Variants in FCGR3B observed in about 807,000 individuals in gnomAD.
The protein encoded by FCGR3B is low affinity immunoglobulin gamma Fc region receptor III-B.
Under a neutral mutation model 26.7 loss-of-function variants are expected in FCGR3B, and 20 were observed. The observed-to-expected ratio is 0.75, with a 90% CI of 0.53 to 1.09. The LOEUF (loss-of-function observed/expected upper bound fraction) is 1.09, where lower values mean the gene tolerates loss of function less well. FCGR3B is among the 50% of genes least tolerant of loss of function. The pLI, the probability that FCGR3B is intolerant of heterozygous loss-of-function variation, is 0.00. For missense variants in FCGR3B, 191 were observed against 279.7 expected (o/e 0.68, Z 2.26); for synonymous variants, 79 against 107.0 (o/e 0.74, Z 1.62).
chr1:161,631,165 G>T lies in FCGR3B; in HGVS notation c.-71C>A. On this transcript the variant is annotated 5_prime_UTR_variant, in exon 1 of 5. Transcript: ENST00000650385. ...TAAAGGGACCAAGCCGACTAGACAG[G>T]AGGGAGTAAACAGCCTTTCCCCAGT... 6.2e-7 allele frequency: 1 copy of T among 1,607,308 alleles called. No homozygotes were observed. Among genetic ancestry groups the T allele is most frequent in the Non-Finnish European group, 8.5e-7 (1 of 1,177,114 alleles).
rs1379723645 is a variant in FCGR3B, at chr1:161,631,041, A to G, written c.40+14T>C. On this transcript the variant is annotated intron_variant, in intron 1 of 4. Transcript: ENST00000650385. ...TCTCAAACTTCTCCCTCAACCAGGG[A>G]GATCCTGACTTACCTAGAAGTAGCA... 1 of 1,603,428 alleles carries G rather than the reference A, an allele frequency of 6.2e-7. No individual in the cohort carries two copies. The highest frequency in any genetic ancestry group is 1.1e-5 in the South Asian group (1 of 89,590).
At position 161,631,133 on chromosome 1, in the gene FCGR3B, G is replaced by A. The variant is rs376938737; in HGVS notation, c.-39C>T. ...AGTGGACAAGTCACCAAAGATATCC[G>A]GAGCCCTAAAGGGACCAAGCCGACT... is the stretch of plus-strand genomic sequence containing the variant. On this transcript the variant is annotated 5_prime_UTR_variant, in exon 1 of 5. Coordinates refer to ENST00000650385, the MANE Select transcript of FCGR3B (RefSeq NM_001244753.2). 1,980 of 1,607,614 alleles carry A rather than the reference G, an allele frequency of 1.2e-3. 153 individuals are homozygous for A. In the South Asian group the frequency reaches 0.021, roughly 17 times the overall value.
intron 3 of FCGR3B, among the ~76,000 whole-genome samples, chr1:161,629,024 A>G (rs1162536595): frequency 8.4e-6 from 1 of 119,634 alleles, no homozygotes; most frequent in African/African-American, 3.1e-5. Context: ...GGAGACAGAA[A>G]GATATGATTC....
In FCGR3B at chr1:161,630,722, A is replaced by C. The variant is rs1025486562; in HGVS notation, c.40+333T>G. On this transcript the variant is annotated intron_variant, in intron 1 of 4. Transcript: ENST00000650385. ...CCATATCCCCACAAGAAAGGGTAGA[A>C]ATTAAAAACCATAGAGGAGAACCCT... The C allele has an allele frequency of 7.2e-6, 4 of 554,334 alleles. No individual in the cohort carries two copies. The African/African-American group carries it at 8.0e-5, about 11-fold the overall frequency. 34.3% of individuals were successfully genotyped at this position (554,334 alleles called of 1,614,324 possible). A position where few individuals can be genotyped will look rare whatever the true frequency, so the allele number is the denominator to read the frequency against.
chr1:161,626,958 G>A (rs1223710864), intron 3 of FCGR3B, among the ~76,000 whole-genome samples: 17 of 150,086 alleles, frequency 1.1e-4, no homozygotes, highest in Admixed American at 4.0e-4. Flanking sequence ...GGCGAAGGGC[G>A]GGACTGGTAG....
In FCGR3B at chr1:161,624,165, TTGC is replaced by T; in HGVS notation, c.*347_*349del. ...GGATTACCATCCCTAGCCTGTATTG[TTGC>T]TTTGCTGTGAGGGAATGGTTGGGAC... On this transcript the variant is annotated 3_prime_UTR_variant, in exon 5 of 5. Coordinates refer to ENST00000650385, the MANE Select transcript of FCGR3B (RefSeq NM_001244753.2). 7.9e-6 allele frequency: 2 copies of T among 251,948 alleles called. No individual in the cohort carries two copies. Among genetic ancestry groups the T allele is most frequent in the South Asian group, 1.8e-4 (2 of 11,104 alleles). 15.6% of individuals were successfully genotyped at this position (251,948 alleles called of 1,614,324 possible). A position where few individuals can be genotyped will look rare whatever the true frequency, so the allele number is the denominator to read the frequency against.
intron 1 of FCGR3B, 45 bp from the exon 2 acceptor site, chr1:161,630,433 T>G: frequency 1.3e-6 from 2 of 1,580,480 alleles, no homozygotes; most frequent in Non-Finnish European, 1.7e-6. Flanking sequence ...GGGGCAGAGA[T>G]CAGAGTGATT....
chr1:161,626,227 T>A lies in FCGR3B; in HGVS notation c.495A>T (p.Lys165Asn), dbSNP rs376472862. 112 of 1,608,638 alleles carry A rather than the reference T, an allele frequency of 7.0e-5. 7 individuals are homozygous for A. In the African/African-American group the frequency reaches 1.3e-3, roughly 19 times the overall value. The change falls in exon 4 of 5, where the codon AAA becomes AAT. Residue 165 changes from lysine to asparagine, a missense_variant. Around this residue, in one of 2 missense-constraint regions of FCGR3B, gnomAD observed 103 missense variants for 114.5 expected, o/e 0.90. Coordinates refer to ENST00000650385, the MANE Select transcript of FCGR3B (RefSeq NM_001244753.2). ...CCCTGCAGAAGTAGGAGCCGCTATC[T>A]TTGAGTGTGGCTTTTGGAATGTGGA... Reference protein sequence around the residue: ...SDFHIPKATLKDSGSYFCRGL... With the variant: ...SDFHIPKATLNDSGSYFCRGL...
At position 161,623,814 on chromosome 1, in the gene FCGR3B, C is replaced by A. The variant is rs1679319574; in HGVS notation, c.*701G>T. The A allele has an allele frequency of 7.0e-6, 1 of 143,042 alleles. No homozygotes were observed. Among genetic ancestry groups the A allele is most frequent in the South Asian group, 2.3e-4 (1 of 4,298 alleles). 8.9% of individuals were successfully genotyped at this position (143,042 alleles called of 1,614,324 possible). On this transcript the variant is annotated 3_prime_UTR_variant, in exon 5 of 5. Transcript: ENST00000650385. ...TTATATACTTGGAAATGGTCCAGTTCTGATAGAGTCCCCTGGAAGACTCAA... is the reference window on the plus strand; with the variant it reads ...TTATATACTTGGAAATGGTCCAGTTATGATAGAGTCCCCTGGAAGACTCAA...
In FCGR3B at chr1:161,630,996, T is replaced by A. The variant is rs547750278; in HGVS notation, c.40+59A>T. On this transcript the variant is annotated intron_variant, in intron 1 of 4. Transcript: ENST00000650385. ...GTCTCATTCGTAGCCTGAAAAGGGG[T>A]GTCTGATGAACCCAAGGCATCTCAA... 6.5e-3 allele frequency: 9,921 copies of A among 1,529,754 alleles called. 320 individuals are homozygous for A. Among genetic ancestry groups the A allele is most frequent in the Non-Finnish European group, 7.8e-3 (8,819 of 1,135,680 alleles). The allele number at this position is 1,529,754 out of a possible 1,614,324, so 94.8% of individuals were successfully genotyped here. A position where few individuals can be genotyped will look rare whatever the true frequency, so the allele number is the denominator to read the frequency against.
rs180689696 is a variant in FCGR3B at position 161,628,229 on chromosome 1, C to A, written c.319+1549G>T. Among the ~76,000 whole-genome samples the A allele has an allele frequency of 3.3e-5, 5 of 149,902 alleles. 1 individual carries two copies. The highest frequency in any genetic ancestry group is 7.4e-5 in the Non-Finnish European group (5 of 67,668). On this transcript the variant is annotated intron_variant, in intron 3 of 4. Transcript: ENST00000650385. ...TGGAGGTTGCAGTGAACCAAGATTG[C>A]GCCACTGCACTCCAGCTTGGGTGAC...
intron 3 of FCGR3B, among the ~76,000 whole-genome samples, chr1:161,627,812 C>A (rs1362554323): frequency 6.7e-6 from 1 of 150,090 alleles, no homozygotes. Context: ...TGGAGATACC[C>A]AGATGATGGG....
chr1:161,630,033 C>A lies in FCGR3B; in HGVS notation c.64G>T (p.Asp22Tyr). Residue 22 changes from aspartate to tyrosine, a missense_variant and splice_region_variant, in exon 3 of 5, where the codon GAT (aspartate) becomes TAT (tyrosine). This residue lies in a region of FCGR3B where 88 missense variants were observed against 165.2 expected (regional missense o/e 0.53). Coordinates refer to ENST00000650385, the MANE Select transcript of FCGR3B (RefSeq NM_001244753.2). ...LLVSAGMRTE[D>Y]LPKAVVFLEP... ...AGGAACACCACAGCCTTTGGGAGAT[C>A]TTCTGAGGAGCCAAGATAATGTGGG... The A allele has an allele frequency of 1.4e-6, 2 of 1,429,280 alleles. No homozygotes were observed. The highest frequency in any genetic ancestry group is 1.9e-6 in the Non-Finnish European group (2 of 1,070,448). 88.5% of individuals were successfully genotyped at this position (1,429,280 alleles called of 1,614,324 possible). A position where few individuals can be genotyped will look rare whatever the true frequency, so the allele number is the denominator to read the frequency against.
At chr1:161,631,291 A>G (rs148471752), upstream of FCGR3B, 8 of 1,375,506 alleles carry the variant, frequency 5.8e-6, 1 homozygote, top group African/African-American at 1.2e-4. Flanking sequence ...TAGAACAGGA[A>G]TAGGAAGGAA....
intron 3 of FCGR3B, among the ~76,000 whole-genome samples, chr1:161,626,788 T>C (rs897449461): frequency 6.0e-5 from 9 of 150,124 alleles, no homozygotes; most frequent in African/African-American, 2.2e-4. Context: ...CATTTGAAAA[T>C]GATGAGTTGC....
intron 3 of FCGR3B, among the ~76,000 whole-genome samples, chr1:161,627,845 G>A (rs1449534143): frequency 6.7e-6 from 1 of 150,156 alleles, no homozygotes; most frequent in Non-Finnish European, 1.5e-5. Flanking sequence ...CAGCCTCAAA[G>A]AATCTACAGC....
At position 161,631,149 on chromosome 1, in the gene FCGR3B, C is replaced by A. The variant is rs779628061; in HGVS notation, c.-55G>T. 24 of 1,607,584 alleles carry A rather than the reference C, an allele frequency of 1.5e-5. 1 individual carries two copies. Among genetic ancestry groups the A allele is most frequent in the Admixed American group, 3.4e-5 (2 of 59,510 alleles). Reference sequence around the variant, plus strand: ...AAGATATCCGGAGCCCTAAAGGGACCAAGCCGACTAGACAGGAGGGAGTAA... The same window carrying A: ...AAGATATCCGGAGCCCTAAAGGGACAAAGCCGACTAGACAGGAGGGAGTAA... On this transcript the variant is annotated 5_prime_UTR_variant, in exon 1 of 5. Transcript: ENST00000650385.
intron 4 of FCGR3B, among the ~76,000 whole-genome samples, chr1:161,624,950 G>A (rs1679389343): frequency 7.2e-6 from 1 of 139,710 alleles, no homozygotes. Context: ...GTCAGACAAT[G>A]CTATGGTCTA....
intron 3 of FCGR3B, among the ~76,000 whole-genome samples, chr1:161,627,229 T>C (rs1001919244): frequency 8.7e-5 from 13 of 150,066 alleles, no homozygotes; most frequent in African/African-American, 3.2e-4. Context: ...CAATGTTAAG[T>C]TAAAAAAGCA....
Sources: gnomAD v4.1 joint callset for allele counts (sites outside exome capture counted in the v4.1 genomes callset) on GRCh38, gnomAD v4.1.1 for gene constraint, gnomAD v4.1.1 regional missense constraint, MANE v1.5 for transcripts, NCBI Gene and HGNC (gene_info 2026-07-23, HGNC 2026-07-21) for gene names.